Variants in FNDC3B observed in about 807,000 individuals in gnomAD.
FNDC3B encodes fibronectin type III domain-containing protein 3B.
A neutral mutation model predicts 151.5 loss-of-function variants in FNDC3B; 12 were observed. The observed-to-expected ratio is 0.08, with a 90% CI of 0.05 to 0.13. The LOEUF is 0.13. Among genes scored for constraint, FNDC3B ranks in the 10% least tolerant of loss-of-function variants. FNDC3B has a pLI of 1.00. For synonymous variants in FNDC3B, 528 were observed against 549.0 expected (o/e 0.96, Z 0.54); for missense variants, 1,214 against 1,505.3 (o/e 0.81, Z 3.20).
chr3:172,344,650 T>G (rs1240686845), intron 19 of FNDC3B, among the ~76,000 whole-genome samples: 1 of 152,202 alleles, frequency 6.6e-6, no homozygotes, highest in Admixed American at 6.5e-5. Flanking sequence ...AGCAACATCT[T>G]AGGTCAGTTT....
At chr3:172,265,526 G>A (rs998700791) in intron 6 of FNDC3B, among the ~76,000 whole-genome samples, 2 of 152,160 alleles carry the variant, frequency 1.3e-5, no homozygotes, top group Admixed American at 6.5e-5. Flanking sequence ...ACTTGAAATG[G>A]TGGCTAGAGT....
chr3:172,329,164 C>A, intron 12 of FNDC3B, 88 bp downstream of exon 12: 1 of 1,415,376 alleles, frequency 7.1e-7, no homozygotes, highest in Non-Finnish European at 9.7e-7. Flanking sequence ...ATGAGGAAGC[C>A]TGCTGCCTCC....
chr3:172,080,070 C>T (rs942387976), intron 1 of FNDC3B, among the ~76,000 whole-genome samples: 13 of 152,018 alleles, frequency 8.6e-5, no homozygotes, highest in African/African-American at 3.1e-4. Flanking sequence ...CATTCTTAGA[C>T]CTAGTTGCTA....
chr3:172,115,010 G>A (rs192013329), intron 2 of FNDC3B, among the ~76,000 whole-genome samples: 336 of 152,338 alleles, frequency 2.2e-3, no homozygotes, highest in African/African-American at 7.5e-3. Context: ...AAATTGTTAA[G>A]TGGGTAAAGT....
In FNDC3B at chr3:172,157,025, G is replaced by A. The variant is rs138369143; in HGVS notation, c.187+23479G>A. Among the ~76,000 whole-genome samples the A allele has an allele frequency of 2.1e-3, 314 of 152,186 alleles. 1 individual carries two copies. Among genetic ancestry groups the A allele is most frequent in the African/African-American group, 7.0e-3 (290 of 41,506 alleles). ...TCAATGGACTGTGAAAAGTTGTAAG[G>A]GGATTGTGTAACTTAATTATACAAG... On this transcript the variant is annotated intron_variant, in intron 3 of 25. Coordinates refer to ENST00000415807, the MANE Select transcript of FNDC3B (RefSeq NM_022763.4).
chr3:172,236,862 A>G (rs2108755057), intron 4 of FNDC3B, among the ~76,000 whole-genome samples: 1 of 152,328 alleles, frequency 6.6e-6, no homozygotes, highest in South Asian at 2.1e-4. Flanking sequence ...GAGAGGTACC[A>G]CAGAGATCTG....
chr3:172,316,787 C>A (rs542597592), intron 11 of FNDC3B, among the ~76,000 whole-genome samples: 1 of 152,102 alleles, frequency 6.6e-6, no homozygotes, highest in Non-Finnish European at 1.5e-5. Flanking sequence ...CTAAAGAAAC[C>A]TGAATTAATC....
At chr3:172,228,765 A>G (rs1726722366) in intron 4 of FNDC3B, among the ~76,000 whole-genome samples, 1 of 152,194 alleles carries the variant, frequency 6.6e-6, no homozygotes, top group Non-Finnish European at 1.5e-5. Context: ...AGCAGTCTGT[A>G]AGGCATGTGA....
intron 9 of FNDC3B, 113 bp from the exon 10 acceptor site, chr3:172,307,246 TACTC>T: frequency 1.9e-6 from 2 of 1,029,502 alleles, no homozygotes; most frequent in Non-Finnish European, 1.5e-6. Flanking sequence ...AAGAGCATGA[TACTC>T]ACTCCGTAAG....
At chr3:172,378,145 TA>T (rs1049002537) in intron 23 of FNDC3B, 124 bp from the exon 24 acceptor site, 60 of 680,804 alleles carry the variant, frequency 8.8e-5, no homozygotes, top group Non-Finnish European at 2.4e-5. Context: ...GGCTGATTAT[TA>T]ATTCAGAATG....
chr3:172,356,633 T>C (rs890452971), intron 22 of FNDC3B, among the ~76,000 whole-genome samples: 3 of 152,162 alleles, frequency 2.0e-5, no homozygotes, highest in Non-Finnish European at 4.4e-5. Context: ...AGGAGCTTGG[T>C]GGGAGGCCAG....
At chr3:172,107,737 G>T (rs1719728881) in intron 1 of FNDC3B, among the ~76,000 whole-genome samples, 1 of 152,090 alleles carries the variant, frequency 6.6e-6, no homozygotes, top group Non-Finnish European at 1.5e-5. Context: ...TGCACAAAGC[G>T]CACGAGGAAC....
intron 11 of FNDC3B, among the ~76,000 whole-genome samples, chr3:172,328,146 C>T (rs983597512): frequency 6.6e-6 from 1 of 152,106 alleles, no homozygotes; most frequent in Admixed American, 6.5e-5. Context: ...TTTACTTTAA[C>T]GAATTTGAAG....
At chr3:172,062,820 G>A (rs1442913428) in intron 1 of FNDC3B, among the ~76,000 whole-genome samples, 2 of 151,740 alleles carry the variant, frequency 1.3e-5, no homozygotes, top group East Asian at 1.9e-4. Context: ...CCTGAAGCCC[G>A]TATATCACTG....
intron 2 of FNDC3B, among the ~76,000 whole-genome samples, chr3:172,133,265 A>G (rs1220165341): frequency 6.6e-6 from 1 of 152,238 alleles, no homozygotes; most frequent in Non-Finnish European, 1.5e-5. Flanking sequence ...CATCATAAGC[A>G]ACACAGGAGA....
At chr3:172,369,683 G>A (rs141656514) in intron 23 of FNDC3B, among the ~76,000 whole-genome samples, 1,764 of 152,224 alleles carry the variant, frequency 0.012, 37 homozygotes, top group African/African-American at 0.039. Flanking sequence ...CTGTTGGCAC[G>A]TTCATGCTTA....
chr3:172,358,059 C>T (rs142899289), intron 22 of FNDC3B, among the ~76,000 whole-genome samples: 6 of 152,296 alleles, frequency 3.9e-5, no homozygotes, highest in African/African-American at 1.4e-4. Flanking sequence ...GCCCCTGTTA[C>T]GATATAAGAG....
In FNDC3B at chr3:172,050,565, G is replaced by A. The variant is rs573559444; in HGVS notation, c.-29+10794G>A. Among the ~76,000 whole-genome samples the A allele has an allele frequency of 2.6e-5, 4 of 151,630 alleles. No individual in the cohort carries two copies. In the East Asian group the frequency reaches 7.8e-4, roughly 29 times the overall value. The stretch of plus-strand genomic sequence containing the variant: ...TGCCTGGCTAATTTTTGTGTTTTTA[G>A]TAGAGATAGGGTTTCACCATGTTAG... On this transcript the variant is annotated intron_variant, in intron 1 of 25. Coordinates refer to ENST00000415807, the MANE Select transcript of FNDC3B (RefSeq NM_022763.4).
chr3:172,392,810 C>T (rs4894546), intron 25 of FNDC3B, among the ~76,000 whole-genome samples: 1,170 of 99,590 alleles, frequency 0.012, 81 homozygotes, highest in East Asian at 0.051. Context: ...TTTTTTTTTT[C>T]TTTTTTTTTT....
Sources: gnomAD v4.1 joint callset for allele counts (sites outside exome capture counted in the v4.1 genomes callset) on GRCh38, gnomAD v4.1.1 for gene constraint, MANE v1.5 for transcripts, NCBI Gene and HGNC (gene_info 2026-07-23, HGNC 2026-07-21) for gene names.